Variants in NR6A1 observed in about 807,000 individuals in gnomAD.
The protein encoded by NR6A1 is retinoic acid receptor-related testis-associated receptor.
In NR6A1, 7 loss-of-function variants were observed where a neutral mutation model predicts 59.1. The ratio of observed to expected loss-of-function variants is 0.12; its 90% CI spans 0.07 to 0.22. The LOEUF (loss-of-function observed/expected upper bound fraction) is 0.22. Among genes scored for constraint, NR6A1 ranks in the 10% least tolerant of loss-of-function variants. The probability of loss-of-function intolerance (pLI) is 1.00; values close to 1 mark genes in which losing one functional copy is unlikely to be tolerated. For missense variants in NR6A1, 468 were observed against 611.6 expected (o/e 0.77, Z 2.48); for synonymous variants, 243 against 236.1 (o/e 1.03, Z -0.27).
At position 124,659,325 on chromosome 9, in the gene NR6A1, T is replaced by G. The variant is rs1837357333; in HGVS notation, c.142+73983A>C. ...GGGACATGGATGTGTGAGGTGCTCATGCGTGCGATCGTGACTAGATTCTGA... is the reference window on the plus strand; with the variant it reads ...GGGACATGGATGTGTGAGGTGCTCAGGCGTGCGATCGTGACTAGATTCTGA... On this transcript the variant is annotated intron_variant, in intron 2 of 9. Transcript: ENST00000487099. Among the ~76,000 whole-genome samples, 4 of 152,172 alleles carry G rather than the reference T, an allele frequency of 2.6e-5. No individual in the cohort carries two copies. The South Asian group carries it at 8.3e-4, about 32-fold the overall frequency.
chr9:124,523,685 A>G (rs1832856079), intron 9 of NR6A1, among the ~76,000 whole-genome samples: 1 of 151,962 alleles, frequency 6.6e-6, no homozygotes, highest in African/African-American at 2.4e-5. Context: ...ACTGAGACAA[A>G]CTGTCAAAAT....
At chr9:124,694,516 T>C (rs977867356) in intron 2 of NR6A1, among the ~76,000 whole-genome samples, 2 of 152,180 alleles carry the variant, frequency 1.3e-5, no homozygotes, top group African/African-American at 4.8e-5. Flanking sequence ...ATTCTAACCT[T>C]TGCAAACCAT....
intron 1 of NR6A1, among the ~76,000 whole-genome samples, chr9:124,751,604 T>C (rs1209655731): frequency 6.6e-6 from 1 of 152,208 alleles, no homozygotes; most frequent in African/African-American, 2.4e-5. Flanking sequence ...AAAATTTTAC[T>C]AAAATATCAA....
At chr9:124,600,420 C>T (rs1023674283) in intron 2 of NR6A1, among the ~76,000 whole-genome samples, 7 of 152,156 alleles carry the variant, frequency 4.6e-5, no homozygotes, top group African/African-American at 1.2e-4. Flanking sequence ...ATGCCTTCAA[C>T]TCCTGGAGGT....
At chr9:124,681,394 T>G (rs1332387464) in intron 2 of NR6A1, among the ~76,000 whole-genome samples, 1 of 141,304 alleles carries the variant, frequency 7.1e-6, no homozygotes, top group Non-Finnish European at 1.5e-5. Flanking sequence ...CAGGCTGGAG[T>G]GCAATGGTAT....
intron 2 of NR6A1, among the ~76,000 whole-genome samples, chr9:124,642,534 A>T (rs923198175): frequency 6.6e-6 from 1 of 152,218 alleles, no homozygotes; most frequent in Non-Finnish European, 1.5e-5. Context: ...TATTTAGCAG[A>T]ATCCCTGGCC....
intron 2 of NR6A1, among the ~76,000 whole-genome samples, chr9:124,683,515 C>T (rs1838236626): frequency 6.6e-6 from 1 of 152,192 alleles, no homozygotes; most frequent in South Asian, 2.1e-4. Flanking sequence ...CAATTGCTGC[C>T]GGGTGTGGTG....
At chr9:124,552,418 G>A (rs909261841) in intron 3 of NR6A1, among the ~76,000 whole-genome samples, 3 of 152,152 alleles carry the variant, frequency 2.0e-5, no homozygotes, top group African/African-American at 4.8e-5. Flanking sequence ...GCATCCCTGA[G>A]GCACAGTGTT....
At chr9:124,582,191 A>G (rs764002772) in intron 2 of NR6A1, among the ~76,000 whole-genome samples, 5 of 152,246 alleles carry the variant, frequency 3.3e-5, no homozygotes, top group Non-Finnish European at 5.9e-5. Flanking sequence ...CATCAGTGAT[A>G]GACTGGATAA....
chr9:124,553,738 C>T (rs916899559), intron 3 of NR6A1, among the ~76,000 whole-genome samples: 1 of 151,754 alleles, frequency 6.6e-6, no homozygotes, highest in African/African-American at 2.4e-5. Context: ...TTCAGATTTC[C>T]TTCTAGACTC....
intron 2 of NR6A1, among the ~76,000 whole-genome samples, chr9:124,593,489 G>A (rs567169184): frequency 1.1e-4 from 16 of 152,172 alleles, no homozygotes; most frequent in Non-Finnish European, 2.4e-4. Context: ...TGATGCATGT[G>A]ACCAAGACCC....
intron 2 of NR6A1, among the ~76,000 whole-genome samples, chr9:124,655,052 C>G (rs1341006069): frequency 6.6e-6 from 1 of 152,058 alleles, no homozygotes; most frequent in African/African-American, 2.4e-5. Context: ...CTGAGTTCAG[C>G]AATTAGTTGT....
At chr9:124,641,274 G>A (rs909147007) in intron 2 of NR6A1, among the ~76,000 whole-genome samples, 37 of 151,410 alleles carry the variant, frequency 2.4e-4, no homozygotes, top group African/African-American at 8.5e-4. Context: ...CAGGAGAATT[G>A]CTTGAACCCA....
intron 1 of NR6A1, among the ~76,000 whole-genome samples, chr9:124,752,851 A>G (rs535222272): frequency 1.2e-4 from 19 of 152,194 alleles, no homozygotes; most frequent in Middle Eastern, 3.4e-3. Flanking sequence ...ACATCTAAAA[A>G]TCTCTACACT....
In NR6A1 at chr9:124,596,673, C is replaced by T. The variant is rs146052827; in HGVS notation, c.143-42103G>A. Among the ~76,000 whole-genome samples the T allele has an allele frequency of 6.3e-3, 958 of 152,334 alleles. 4 individuals carry two copies. The highest frequency in any genetic ancestry group is 0.011 in the Non-Finnish European group (767 of 68,036). On this transcript the variant is annotated intron_variant, in intron 2 of 9. Transcript: ENST00000487099. ...CATAAGATCTTAAACAATCATCATGCTATAGCTTCCCTGATTCATGAACCA... is the reference window on the plus strand; with the variant it reads ...CATAAGATCTTAAACAATCATCATGTTATAGCTTCCCTGATTCATGAACCA...
intron 2 of NR6A1, among the ~76,000 whole-genome samples, chr9:124,576,711 T>C (rs1206919734): frequency 6.6e-6 from 1 of 152,152 alleles, no homozygotes; most frequent in African/African-American, 2.4e-5. Flanking sequence ...AATTAAGAGA[T>C]TAGAATAGGT....
chr9:124,750,106 G>A (rs1840452467), intron 1 of NR6A1, among the ~76,000 whole-genome samples: 1 of 152,246 alleles, frequency 6.6e-6, no homozygotes, highest in Admixed American at 6.5e-5. Context: ...AGCTGACCTG[G>A]AAATTGAGAC....
intron 2 of NR6A1, among the ~76,000 whole-genome samples, chr9:124,574,787 AAG>A (rs1588678666): frequency 6.6e-6 from 1 of 152,354 alleles, no homozygotes; most frequent in Non-Finnish European, 1.5e-5. Context: ...GAGTACAGGA[AAG>A]AGAGGGAAAT....
chr9:124,720,192 C>A (rs7020358), intron 2 of NR6A1, among the ~76,000 whole-genome samples: 1 of 151,580 alleles, frequency 6.6e-6, no homozygotes, highest in South Asian at 2.1e-4. Context: ...GCTGGGATTA[C>A]AAGCATGCGC....
Sources: allele counts gnomAD v4.1 joint callset (sites outside exome capture counted in the v4.1 genomes callset), GRCh38; gene constraint gnomAD v4.1.1; transcripts MANE v1.5; gene names NCBI Gene and HGNC (gene_info 2026-07-23, HGNC 2026-07-21).